CDH12: variants seen among roughly 807,000 people sequenced by gnomAD.
CDH12 encodes cadherin 12, also known as cadherin-12.
A neutral mutation model predicts 74.1 loss-of-function variants in CDH12; 41 were observed. The ratio of observed to expected loss-of-function variants is 0.55; its 90% CI spans 0.43 to 0.72. CDH12 has a LOEUF of 0.72. Among genes scored for constraint, CDH12 ranks in the 30% least tolerant of loss-of-function variants. The pLI is 0.00. For synonymous variants in CDH12, 399 were observed against 355.0 expected, an observed-to-expected ratio of 1.12 and a Z score of -1.39; for missense variants, 945 against 977.2, an observed-to-expected ratio of 0.97 and a Z score of 0.44.
chr5:22,098,808 T>C (rs1202398046), intron 4 of CDH12, among the ~76,000 whole-genome samples: 1 of 152,138 alleles, frequency 6.6e-6, no homozygotes, highest in Admixed American at 6.5e-5. Context: ...CTCACCCTGA[T>C]TATGGCTTGA....
chr5:21,799,578 G>A (rs2149919299), intron 10 of CDH12, among the ~76,000 whole-genome samples: 1 of 152,208 alleles, frequency 6.6e-6, no homozygotes, highest in Middle Eastern at 3.4e-3. Flanking sequence ...CAGAAACACT[G>A]CCAGCTGGTA....
At chr5:21,802,457 T>A in intron 9 of CDH12, 37 bp from the exon 10 acceptor site, 1 of 1,550,988 alleles carries the variant, frequency 6.4e-7, no homozygotes, top group Non-Finnish European at 8.9e-7. Flanking sequence ...GGAGTAAATT[T>A]ATATAGAATG....
intron 1 of CDH12, among the ~76,000 whole-genome samples, chr5:22,791,241 A>G (rs1747889843): frequency 6.6e-6 from 1 of 152,210 alleles, no homozygotes; most frequent in Non-Finnish European, 1.5e-5. Flanking sequence ...TCTTCAAAGC[A>G]GGAAGGGTAT....
At chr5:22,335,194 G>T (rs771925382) in intron 3 of CDH12, among the ~76,000 whole-genome samples, 1 of 152,154 alleles carries the variant, frequency 6.6e-6, no homozygotes, top group Non-Finnish European at 1.5e-5. Context: ...ATTTGGTTTG[G>T]CTATGTGCCC....
chr5:22,597,244 C>T (rs922078622), intron 1 of CDH12, among the ~76,000 whole-genome samples: 2 of 152,106 alleles, frequency 1.3e-5, no homozygotes, highest in African/African-American at 4.8e-5. Context: ...ACAGTTTAAA[C>T]AGTTTGGATA....
chr5:21,835,150 C>T (rs1225647473), intron 8 of CDH12, among the ~76,000 whole-genome samples: 5 of 151,832 alleles, frequency 3.3e-5, no homozygotes, highest in Admixed American at 6.6e-5. Flanking sequence ...ATATAATTTA[C>T]TCACAACAAT....
At chr5:22,039,445 A>G (rs1382464068) in intron 5 of CDH12, among the ~76,000 whole-genome samples, 6 of 152,092 alleles carry the variant, frequency 3.9e-5, no homozygotes, top group Admixed American at 1.3e-4. Context: ...GTGTCACAAT[A>G]GGTTCACAAG....
intron 5 of CDH12, among the ~76,000 whole-genome samples, chr5:22,065,607 A>T (rs935686810): frequency 5.3e-5 from 8 of 152,132 alleles, no homozygotes; most frequent in African/African-American, 1.9e-4. Context: ...CTATTTATCC[A>T]CACTGGGAGG....
intron 2 of CDH12, among the ~76,000 whole-genome samples, chr5:22,412,237 C>T (rs183734195): frequency 2.2e-4 from 33 of 152,006 alleles, no homozygotes; most frequent in Non-Finnish European, 3.1e-4. Context: ...GGTTTTAAGA[C>T]GAATGCCAAT....
At chr5:22,494,445 T>C (rs150344929) in intron 2 of CDH12, among the ~76,000 whole-genome samples, 1 of 152,340 alleles carries the variant, frequency 6.6e-6, no homozygotes, top group African/African-American at 2.4e-5. Flanking sequence ...ACTGAAATGA[T>C]TGGGTAAATA....
At chr5:22,353,269 T>C (rs1403506536) in intron 3 of CDH12, among the ~76,000 whole-genome samples, 1 of 152,214 alleles carries the variant, frequency 6.6e-6, no homozygotes, top group Non-Finnish European at 1.5e-5. Flanking sequence ...TAAATTAACC[T>C]ATTCATGGAC....
At chr5:21,877,110 C>A (rs917971483) in intron 6 of CDH12, among the ~76,000 whole-genome samples, 1 of 151,670 alleles carries the variant, frequency 6.6e-6, no homozygotes, top group Non-Finnish European at 1.5e-5. Flanking sequence ...GACTGAGGGA[C>A]GAGAATTGCT....
intron 1 of CDH12, among the ~76,000 whole-genome samples, chr5:22,709,965 T>C (rs980617087): frequency 2.6e-5 from 4 of 152,298 alleles, no homozygotes; most frequent in Middle Eastern, 3.4e-3. Context: ...GGTGTAGGTG[T>C]TACCTTAGAC....
intron 5 of CDH12, among the ~76,000 whole-genome samples, chr5:22,007,504 A>G (rs932043485): frequency 2.0e-5 from 3 of 152,178 alleles, no homozygotes; most frequent in Non-Finnish European, 2.9e-5. Flanking sequence ...CAGACCAGGA[A>G]GTAATAGTGT....
Position 21,836,462 on chromosome 5 carries a change from AACACACACACACACAC to A in CDH12, c.814+5683_814+5698del, listed in dbSNP as rs60658949. 5.9e-3 allele frequency among the ~76,000 whole-genome samples: 850 copies of A among 143,524 alleles called. 8 individuals carry two copies. Among genetic ancestry groups the A allele is most frequent in the South Asian group, 0.014 (62 of 4,472 alleles). 94.2% of individuals were successfully genotyped at this position (143,524 alleles called of 152,430 possible). A position where few individuals can be genotyped will look rare whatever the true frequency, so the allele number is the denominator to read the frequency against. On this transcript the variant is annotated intron_variant, in intron 8 of 14. Transcript: ENST00000382254. ...ATTATTATATTGAAATAGAAAGGAA[AACACACACACACACAC>A]ACACACACACACACACACACTCCTT...
At chr5:21,970,329 T>C (rs1349906667) in intron 6 of CDH12, among the ~76,000 whole-genome samples, 2 of 152,202 alleles carry the variant, frequency 1.3e-5, no homozygotes, top group African/African-American at 4.8e-5. Flanking sequence ...CCTCTGCTAC[T>C]AATTGAGGGG....
At chr5:22,097,127 A>C (rs1743829127) in intron 4 of CDH12, among the ~76,000 whole-genome samples, 1 of 152,176 alleles carries the variant, frequency 6.6e-6, no homozygotes, top group African/African-American at 2.4e-5. Context: ...AAGTGCCAGA[A>C]ATCTGGCCAC....
intron 1 of CDH12, among the ~76,000 whole-genome samples, chr5:22,811,469 T>C (rs1749146504): frequency 6.6e-6 from 1 of 152,116 alleles, no homozygotes; most frequent in Non-Finnish European, 1.5e-5. Flanking sequence ...ACCCTTGTTT[T>C]CCTACAGGTG....
At chr5:22,247,865 G>A (rs10941944) in intron 3 of CDH12, among the ~76,000 whole-genome samples, 60,880 of 151,892 alleles carry the variant, frequency 0.4, 12,421 homozygotes, top group East Asian at 0.49. Flanking sequence ...AATGCACAGA[G>A]GTATGTGGCC....
Sources: gnomAD v4.1 joint callset for allele counts (sites outside exome capture counted in the v4.1 genomes callset) on GRCh38, gnomAD v4.1.1 for gene constraint, MANE v1.5 for transcripts, NCBI Gene and HGNC (gene_info 2026-07-23, HGNC 2026-07-21) for gene names.